The following SULT1C3 variants were observed in gnomAD, a reference collection of about 807,000 sequenced individuals.
The protein encoded by SULT1C3 is sulfotransferase family 1C member 3.
A neutral mutation model predicts 28.4 loss-of-function variants in SULT1C3; 31 were observed. The ratio of observed to expected loss-of-function variants is 1.09; its 90% CI spans 0.82 to 1.47. The LOEUF (loss-of-function observed/expected upper bound fraction) is 1.47, where lower values mean the gene tolerates loss of function less well. SULT1C3 is among the 40% of genes most tolerant of loss of function. The pLI, the probability that SULT1C3 is intolerant of heterozygous loss-of-function variation, is 0.00. For missense variants in SULT1C3, 307 were observed against 272.5 expected, an observed-to-expected ratio of 1.13 and a Z score of -0.89; for synonymous variants, 106 against 92.2, an observed-to-expected ratio of 1.15 and a Z score of -0.86.
intron 2 of SULT1C3, among the ~76,000 whole-genome samples, chr2:108,248,192 C>T (rs1043896200): frequency 6.6e-6 from 1 of 152,120 alleles, no homozygotes; most frequent in Non-Finnish European, 1.5e-5. Flanking sequence ...TGAAGGGGCT[C>T]TCACAGTAGC....
intron 7 of SULT1C3, among the ~76,000 whole-genome samples, chr2:108,260,054 G>C (rs540878529): frequency 6.6e-6 from 1 of 152,132 alleles, no homozygotes; most frequent in Admixed American, 6.6e-5. Context: ...CAATTCATTA[G>C]TACAGCATTT....
intron 1 of SULT1C3, 125 bp from the exon 2 acceptor site, chr2:108,247,063 T>C: frequency 1.6e-6 from 1 of 627,006 alleles, no homozygotes; most frequent in Non-Finnish European, 2.4e-6. Context: ...TGTTAGCATG[T>C]TATATGTTAG....
chr2:108,264,134 G>A (rs751628562), downstream of SULT1C3, among the ~76,000 whole-genome samples: 15 of 152,094 alleles, frequency 9.9e-5, no homozygotes, highest in Admixed American at 2.0e-4. Flanking sequence ...TGGGACAGTG[G>A]ACTGATTTCT....
chr2:108,254,816 T>A (rs964561173), intron 4 of SULT1C3, among the ~76,000 whole-genome samples: 18 of 151,110 alleles, frequency 1.2e-4, no homozygotes, highest in Admixed American at 4.0e-4. Context: ...TATGTATATA[T>A]GTGTATATAT....
intron 3 of SULT1C3, 93 bp downstream of exon 3, chr2:108,252,586 AG>A: frequency 6.9e-7 from 1 of 1,447,670 alleles, no homozygotes; most frequent in Non-Finnish European, 9.4e-7. Flanking sequence ...GGTAGCCAGA[AG>A]TAGCCTGTAT....
intron 2 of SULT1C3, among the ~76,000 whole-genome samples, chr2:108,249,137 C>T (rs1675664556): frequency 6.6e-6 from 1 of 152,030 alleles, no homozygotes; most frequent in Non-Finnish European, 1.5e-5. Flanking sequence ...TGATTTTAGC[C>T]TAGTGAGACC....
chr2:108,256,675 A>G (rs1675876112), intron 5 of SULT1C3, among the ~76,000 whole-genome samples: 1 of 152,088 alleles, frequency 6.6e-6, no homozygotes, highest in South Asian at 2.1e-4. Context: ...ATTCATATTC[A>G]TATTCTTTTG....
At chr2:108,249,244 A>G (rs576176417) in intron 2 of SULT1C3, among the ~76,000 whole-genome samples, 1 of 152,186 alleles carries the variant, frequency 6.6e-6, no homozygotes, top group African/African-American at 2.4e-5. Context: ...GCTTGTGGTA[A>G]TTTGTTAACC....
intron 7 of SULT1C3, 60 bp from the exon 8 acceptor site, chr2:108,260,508 A>G (rs1421235298): frequency 1.8e-5 from 8 of 455,374 alleles, no homozygotes; most frequent in Non-Finnish European, 3.5e-5. Flanking sequence ...ACCATTCACT[A>G]TAGAAAGGTT....
chr2:108,252,495 T>G lies in SULT1C3; in HGVS notation c.301+2T>G, dbSNP rs1297325065. 1 of 1,611,720 alleles carries G rather than the reference T, an allele frequency of 6.2e-7. No homozygotes were observed. On this transcript the variant is annotated splice_donor_variant, in intron 3 of 7. Transcript: ENST00000681802. LOFTEE classifies it high-confidence loss of function. ...AATTTCCCCATAAAGAAAAACCAGG[T>G]GAGTAATATGCACGAAGATAGAAAG... is the stretch of plus-strand genomic sequence containing the variant.
downstream of SULT1C3, among the ~76,000 whole-genome samples, chr2:108,264,158 T>C (rs1676080606): frequency 6.6e-6 from 1 of 152,148 alleles, no homozygotes; most frequent in Non-Finnish European, 1.5e-5. Flanking sequence ...TTTCAAACCA[T>C]CGTGTCTGAG....
intron 5 of SULT1C3, among the ~76,000 whole-genome samples, chr2:108,256,863 T>C (rs1675879136): frequency 1.3e-5 from 2 of 151,930 alleles, no homozygotes; most frequent in South Asian, 4.1e-4. Flanking sequence ...GACTGACAGA[T>C]GGAAATAAGA....
chr2:108,265,055 A>G (rs779596050), downstream of SULT1C3: 8 of 1,548,620 alleles, frequency 5.2e-6, no homozygotes, highest in East Asian at 2.3e-5. Context: ...TGTGGTCCCC[A>G]TGGTCTGCTT....
chr2:108,240,843 TG>T (rs1192812765), intron 1 of SULT1C3, among the ~76,000 whole-genome samples: 1 of 152,362 alleles, frequency 6.6e-6, no homozygotes, highest in East Asian at 1.9e-4. Context: ...TAAGACCATG[TG>T]TGCTGTGGGT....
downstream of SULT1C3, chr2:108,265,229 C>T: frequency 2.5e-6 from 4 of 1,611,674 alleles, no homozygotes; most frequent in Non-Finnish European, 3.4e-6. Flanking sequence ...AAGATTTTGC[C>T]TTGTTTCAGG....
intron 1 of SULT1C3, among the ~76,000 whole-genome samples, chr2:108,245,433 A>C (rs188826324): frequency 6.6e-6 from 1 of 152,348 alleles, no homozygotes; most frequent in Non-Finnish European, 1.5e-5. Context: ...TACCCATAGA[A>C]AAAGGGTTCT....
At chr2:108,258,864 A>G in intron 6 of SULT1C3, 36 bp downstream of exon 6, 1 of 1,504,788 alleles carries the variant, frequency 6.6e-7, no homozygotes, top group Non-Finnish European at 9.2e-7. Flanking sequence ...CAGACCCAGA[A>G]ACCCTCCTGA....
chr2:108,240,330 G>C (rs140931337), intron 1 of SULT1C3, among the ~76,000 whole-genome samples: 1 of 152,168 alleles, frequency 6.6e-6, no homozygotes, highest in Non-Finnish European at 1.5e-5. Context: ...TTCCCTGATG[G>C]TCTGAAAGAA....
Position 108,252,054 on chromosome 2 carries a change from TAG to T in SULT1C3, c.173-309_173-308del, listed in dbSNP as rs755998330. Among the ~76,000 whole-genome samples, 346 of 151,506 alleles carry T rather than the reference TAG, an allele frequency of 2.3e-3. 2 individuals are homozygous for T. Among genetic ancestry groups the T allele is most frequent in the Middle Eastern group, 0.017 (5 of 294 alleles). On this transcript the variant is annotated intron_variant, in intron 2 of 7. Coordinates refer to ENST00000681802, the MANE Select transcript of SULT1C3 (RefSeq NM_001320878.2). ...TAAATACTAAAAGATGATAGATAGA[TAG>T]ACAGATAATAGGAAGATAGTAGATA...
Sources: gnomAD v4.1 joint callset for allele counts (sites outside exome capture counted in the v4.1 genomes callset) on GRCh38, gnomAD v4.1.1 for gene constraint, MANE v1.5 for transcripts, NCBI Gene and HGNC (gene_info 2026-07-23, HGNC 2026-07-21) for gene names.